The following KCNIP4 variants were observed in gnomAD, a reference collection of about 807,000 sequenced individuals.
The protein encoded by KCNIP4 is potassium voltage-gated channel interacting protein 4, also known as Kv channel-interacting protein 4.
A neutral mutation model predicts 34.0 loss-of-function variants in KCNIP4; 12 were observed. That is an observed-to-expected ratio of 0.35 (90% CI 0.23 to 0.57). The LOEUF (loss-of-function observed/expected upper bound fraction) is 0.57. Among genes scored for constraint, KCNIP4 ranks in the 20% least tolerant of loss-of-function variants. The pLI is 0.83. For missense variants in KCNIP4, 238 were observed against 311.7 expected, an observed-to-expected ratio of 0.76 and a Z score of 1.78; for synonymous variants, 124 against 102.2, an observed-to-expected ratio of 1.21 and a Z score of -1.29.
intron 1 of KCNIP4, among the ~76,000 whole-genome samples, chr4:21,757,775 C>G (rs1343446221): frequency 6.6e-6 from 1 of 152,162 alleles, no homozygotes; most frequent in African/African-American, 2.4e-5. Context: ...ATCTTGTCTA[C>G]AAAGTTAGCG....
At chr4:21,231,034 A>G (rs756896161) in intron 1 of KCNIP4, among the ~76,000 whole-genome samples, 6 of 152,062 alleles carry the variant, frequency 3.9e-5, no homozygotes, top group Non-Finnish European at 5.9e-5. Context: ...ACGCCACCCA[A>G]TTTCTGGGAA....
Position 21,778,928 on chromosome 4 carries a change from T to C in KCNIP4, c.61+169643A>G, listed in dbSNP as rs147827945. 2.8e-3 allele frequency among the ~76,000 whole-genome samples: 429 copies of C among 152,198 alleles called. 1 individual carries two copies. Among genetic ancestry groups the C allele is most frequent in the African/African-American group, 9.9e-3 (409 of 41,522 alleles). On this transcript the variant is annotated intron_variant, in intron 1 of 8. Transcript: ENST00000382152. ...CTTTGTAAAATGAGGAAGGTACTAATTGCATTAGTACCCACTTCCTAGAGT... is the reference window on the plus strand; with the variant it reads ...CTTTGTAAAATGAGGAAGGTACTAACTGCATTAGTACCCACTTCCTAGAGT...
chr4:21,148,370 C>A (rs1170688422), intron 1 of KCNIP4, among the ~76,000 whole-genome samples: 1 of 152,060 alleles, frequency 6.6e-6, no homozygotes, highest in Non-Finnish European at 1.5e-5. Context: ...AGTTAATAAT[C>A]TGGAATATGG....
At chr4:21,227,690 C>T (rs1161172472) in intron 1 of KCNIP4, among the ~76,000 whole-genome samples, 2 of 152,034 alleles carry the variant, frequency 1.3e-5, no homozygotes, top group Non-Finnish European at 2.9e-5. Context: ...CAAAACAAAA[C>T]AAAAAGCAAA....
chr4:21,146,972 T>C (rs571371592), intron 1 of KCNIP4, among the ~76,000 whole-genome samples: 1 of 152,264 alleles, frequency 6.6e-6, no homozygotes, highest in Admixed American at 6.5e-5. Flanking sequence ...TATATGTATA[T>C]ATATGTGGGG....
intron 1 of KCNIP4, among the ~76,000 whole-genome samples, chr4:20,940,115 T>C (rs1731489461): frequency 6.6e-6 from 1 of 152,162 alleles, no homozygotes; most frequent in South Asian, 2.1e-4. Context: ...TTTGTGGTGG[T>C]CTTCTCCACC....
chr4:21,917,777 G>T (rs903691530), intron 1 of KCNIP4, among the ~76,000 whole-genome samples: 2 of 152,166 alleles, frequency 1.3e-5, no homozygotes, highest in African/African-American at 4.8e-5. Flanking sequence ...AAGAGGGGTC[G>T]ATTTTCAAAT....
chr4:21,248,531 A>AT (rs915215222), intron 1 of KCNIP4, among the ~76,000 whole-genome samples: 10 of 152,032 alleles, frequency 6.6e-5, no homozygotes, highest in Non-Finnish European at 8.8e-5. Flanking sequence ...CAAATGCTGC[A>AT]TTTTTTTCAG....
At chr4:21,863,595 G>T (rs1473942973) in intron 1 of KCNIP4, among the ~76,000 whole-genome samples, 2 of 152,116 alleles carry the variant, frequency 1.3e-5, no homozygotes, top group Admixed American at 1.3e-4. Context: ...GCTAGAATCC[G>T]TCTTACCCAA....
chr4:21,398,520 C>A (rs750873370), intron 1 of KCNIP4, among the ~76,000 whole-genome samples: 13 of 152,152 alleles, frequency 8.5e-5, no homozygotes, highest in Non-Finnish European at 1.5e-4. Context: ...AGAGAAAAAT[C>A]AACTTGGTGT....
At chr4:21,190,293 T>C (rs1332362839) in intron 1 of KCNIP4, among the ~76,000 whole-genome samples, 1 of 152,146 alleles carries the variant, frequency 6.6e-6, no homozygotes, top group Non-Finnish European at 1.5e-5. Context: ...AATGTTTTGG[T>C]TCGTTAGTAT....
At chr4:21,821,208 C>T (rs940179717) in intron 1 of KCNIP4, among the ~76,000 whole-genome samples, 1 of 152,064 alleles carries the variant, frequency 6.6e-6, no homozygotes, top group African/African-American at 2.4e-5. Context: ...ACCTGACCTG[C>T]AGGCAATTGT....
At chr4:21,036,421 C>T (rs28633113) in intron 1 of KCNIP4, among the ~76,000 whole-genome samples, 4 of 152,156 alleles carry the variant, frequency 2.6e-5, no homozygotes, top group Non-Finnish European at 5.9e-5. Context: ...ATAGATTGCT[C>T]CTGCAAACTA....
intron 1 of KCNIP4, among the ~76,000 whole-genome samples, chr4:21,296,408 CTTTTT>C (rs201961246): frequency 6.9e-6 from 1 of 144,906 alleles, no homozygotes; most frequent in Non-Finnish European, 1.5e-5. Context: ...CTCTCTCTCT[CTTTTT>C]TTTTTTGATG....
chr4:21,742,852 T>C (rs1158407910), intron 1 of KCNIP4, among the ~76,000 whole-genome samples: 1 of 152,056 alleles, frequency 6.6e-6, no homozygotes, highest in Non-Finnish European at 1.5e-5. Flanking sequence ...AGCATACACA[T>C]ACACCTACAA....
chr4:21,172,837 C>A (rs897683736), intron 1 of KCNIP4, among the ~76,000 whole-genome samples: 1 of 152,114 alleles, frequency 6.6e-6, no homozygotes, highest in African/African-American at 2.4e-5. Context: ...TCATACAGAC[C>A]CCACTCCGGT....
At chr4:20,954,041 C>T (rs1023781530) in intron 1 of KCNIP4, among the ~76,000 whole-genome samples, 5 of 152,162 alleles carry the variant, frequency 3.3e-5, no homozygotes, top group African/African-American at 1.2e-4. Context: ...CACAAATTAA[C>T]ATCCCTATTT....
At position 20,882,357 on chromosome 4, in the gene KCNIP4, C is replaced by T. The variant is rs145187019; in HGVS notation, c.163+251G>A. 6.4e-4 allele frequency among the ~76,000 whole-genome samples: 97 copies of T among 152,260 alleles called. 1 individual carries two copies. In the East Asian group the frequency reaches 0.015, roughly 23 times the overall value. ...ACTTGAGTCCAGTCCCCATCCCTTA[C>T]ATCAAACAAAAATGTCCCAGTGTTT... On this transcript the variant is annotated intron_variant, in intron 2 of 8. Coordinates refer to ENST00000382152, the MANE Select transcript of KCNIP4 (RefSeq NM_025221.6).
At chr4:21,346,068 T>TAA (rs1717282307) in intron 1 of KCNIP4, among the ~76,000 whole-genome samples, 2 of 131,524 alleles carry the variant, frequency 1.5e-5, no homozygotes, top group South Asian at 2.4e-4. Context: ...TCGGGCAGTG[T>TAA]AATATATATA....
Sources: gnomAD v4.1 joint callset for allele counts (sites outside exome capture counted in the v4.1 genomes callset) on GRCh38, gnomAD v4.1.1 for gene constraint, MANE v1.5 for transcripts, NCBI Gene and HGNC (gene_info 2026-07-23, HGNC 2026-07-21) for gene names.